NOTCH2NLB: variants seen among roughly 807,000 people sequenced by gnomAD.
NOTCH2NLB encodes the protein notch 2 N-terminal like B.
A neutral mutation model predicts 14.8 loss-of-function variants in NOTCH2NLB; 1 was observed. That is an observed-to-expected ratio of 0.07 (90% CI 0.02 to 0.32). The LOEUF (loss-of-function observed/expected upper bound fraction) is 0.32, where lower values mean the gene tolerates loss of function less well. Among genes scored for constraint, NOTCH2NLB ranks in the 10% least tolerant of loss-of-function variants. The pLI is 1.00. For synonymous variants in NOTCH2NLB, 6 were observed against 57.5 expected (o/e 0.10, Z 4.05); for missense variants, 11 against 155.0 (o/e 0.07, Z 4.93).
At chr1:148,673,966 A>G (rs1257841960) in intron 1 of NOTCH2NLB, among the ~76,000 whole-genome samples, 2 of 90,486 alleles carry the variant, frequency 2.2e-5, no homozygotes, top group Non-Finnish European at 5.0e-5. Context: ...TATTCTTATC[A>G]TAAGAGAGGT....
chr1:148,670,172 A>G (rs1292869467), intron 1 of NOTCH2NLB, among the ~76,000 whole-genome samples: 1 of 95,078 alleles, frequency 1.1e-5, no homozygotes, highest in Non-Finnish European at 2.4e-5. Context: ...AACAATTTTT[A>G]TATCAACATT....
At chr1:148,643,496 CAG>C (rs1328157352) in intron 1 of NOTCH2NLB, among the ~76,000 whole-genome samples, 1 of 87,426 alleles carries the variant, frequency 1.1e-5, no homozygotes, top group Non-Finnish European at 1.9e-5. Flanking sequence ...GCCTGAGTGA[CAG>C]AGAGAGACTC....
intron 2 of NOTCH2NLB, among the ~76,000 whole-genome samples, chr1:148,638,445 A>T (rs1198438726): frequency 2.0e-5 from 3 of 148,988 alleles, no homozygotes; most frequent in East Asian, 3.9e-4. Flanking sequence ...CAACTAAGGC[A>T]CCAAATGCCA....
At chr1:148,648,002 T>TATTTG (rs1664408000) in intron 1 of NOTCH2NLB, among the ~76,000 whole-genome samples, 2 of 140,438 alleles carry the variant, frequency 1.4e-5, no homozygotes, top group African/African-American at 5.2e-5. Context: ...TAATCAACGA[T>TATTTG]AACAACTTAT....
chr1:148,651,164 T>TATATAC (rs1571111758), intron 1 of NOTCH2NLB, among the ~76,000 whole-genome samples: 1 of 37,372 alleles, frequency 2.7e-5, no homozygotes, highest in East Asian at 9.9e-4. Context: ...AAAAAAAAAA[T>TATATAC]ATATATATAT....
intron 3 of NOTCH2NLB, among the ~76,000 whole-genome samples, chr1:148,611,876 GCTA>G (rs1558381762): frequency 7.0e-6 from 1 of 143,172 alleles, no homozygotes; most frequent in East Asian, 2.2e-4. Flanking sequence ...AGCTGACCTG[GCTA>G]CTGCCACCGC....
upstream of NOTCH2NLB, among the ~76,000 whole-genome samples, chr1:148,682,552 G>T (rs1337072604): frequency 6.4e-5 from 2 of 31,364 alleles, no homozygotes; most frequent in Non-Finnish European, 1.1e-4. Flanking sequence ...CTGTACTCCA[G>T]CCTGGACAAC....
intron 1 of NOTCH2NLB, among the ~76,000 whole-genome samples, chr1:148,660,416 G>A (rs1446837568): frequency 2.9e-5 from 4 of 138,900 alleles, no homozygotes; most frequent in Non-Finnish European, 6.3e-5. Context: ...GCAAAAGGGT[G>A]CCTTTGAAAA....
chr1:148,651,165 ATATAT>A (rs1664502898), intron 1 of NOTCH2NLB, among the ~76,000 whole-genome samples: 9 of 38,370 alleles, frequency 2.3e-4, no homozygotes, highest in Non-Finnish European at 3.9e-4. Context: ...AAAAAAAAAT[ATATAT>A]ATATATATAT....
intron 2 of NOTCH2NLB, among the ~76,000 whole-genome samples, chr1:148,628,353 A>G (rs1325085843): frequency 8.8e-6 from 1 of 113,126 alleles, no homozygotes; most frequent in Non-Finnish European, 1.7e-5. Context: ...ATCTCTAGAA[A>G]GAAAAGTGTT....
chr1:148,670,539 A>AAT (rs1156575606), intron 1 of NOTCH2NLB, among the ~76,000 whole-genome samples: 20 of 93,450 alleles, frequency 2.1e-4, no homozygotes, highest in African/African-American at 6.9e-4. Flanking sequence ...TAAAAAAAAA[A>AAT]ATATATATAT....
At chr1:148,638,470 A>C (rs1408095558) in intron 2 of NOTCH2NLB, among the ~76,000 whole-genome samples, 2 of 148,934 alleles carry the variant, frequency 1.3e-5, no homozygotes, top group African/African-American at 2.5e-5. Context: ...AAGACTAAAC[A>C]AGATTTCAGT....
chr1:148,679,260 G>A (rs1664881240), intron 1 of NOTCH2NLB, among the ~76,000 whole-genome samples: 1 of 30,572 alleles, frequency 3.3e-5, no homozygotes, highest in Admixed American at 3.0e-4. Context: ...CCGGCGGTTG[G>A]CGGGGAACCC....
At chr1:148,712,431 C>A in the NOTCH2NLB span, among the ~76,000 whole-genome samples, 2 of 152,230 alleles carry the variant, frequency 1.3e-5, no homozygotes, top group Non-Finnish European at 2.9e-5. Flanking sequence ...AACTTACCAG[C>A]TGCATTTGGC....
chr1:148,658,550 C>CTTTTTTTTTTTTTTTTTTT (rs1194273075), intron 1 of NOTCH2NLB, among the ~76,000 whole-genome samples: 7 of 38,588 alleles, frequency 1.8e-4, no homozygotes, highest in Admixed American at 3.0e-4. Context: ...CCCAATACCA[C>CTTTTTTTTTTTTTTTTTTT]TTTTTTTTTT....
chr1:148,703,091 G>T, the NOTCH2NLB span, among the ~76,000 whole-genome samples: 3 of 20,932 alleles, frequency 1.4e-4, no homozygotes, highest in Non-Finnish European at 1.9e-4. Context: ...CAGCCTGGGC[G>T]ACAGCGAGAC....
downstream of NOTCH2NLB, among the ~76,000 whole-genome samples, chr1:148,604,985 ACACACATT>A (rs1484206067): frequency 2.5e-4 from 36 of 144,478 alleles, 1 homozygote; most frequent in African/African-American, 9.6e-4. Flanking sequence ...ACACACACAC[ACACACATT>A]GATATGTAAC....
Position 148,610,327 on chromosome 1 carries a change from A to G in NOTCH2NLB, c.338-2582T>C, listed in dbSNP as rs1374268898. On this transcript the variant is annotated intron_variant, in intron 3 of 4. Transcript: ENST00000593495. ...AGAGAGAAAGAGAGAAAGAGAGAGAAAGAAAGAAAGAAAGAAAGAAAGAAA... is the reference window on the plus strand; with the variant it reads ...AGAGAGAAAGAGAGAAAGAGAGAGAGAGAAAGAAAGAAAGAAAGAAAGAAA... Among the ~76,000 whole-genome samples, 388 of 48,320 alleles carry G rather than the reference A, an allele frequency of 8.0e-3. 1 individual carries two copies. Among genetic ancestry groups the G allele is most frequent in the East Asian group, 0.044 (63 of 1,444 alleles). The allele number at this position is 48,320 out of a possible 152,430, so 31.7% of individuals were successfully genotyped here. A position where few individuals can be genotyped will look rare whatever the true frequency, so the allele number is the denominator to read the frequency against.
chr1:148,686,922 G>A, the NOTCH2NLB span, among the ~76,000 whole-genome samples: 1 of 82,738 alleles, frequency 1.2e-5, no homozygotes, highest in African/African-American at 4.0e-5. Flanking sequence ...CTAATACCCA[G>A]CCCCATGGCA....
Sources: gnomAD v4.1 joint callset for allele counts (sites outside exome capture counted in the v4.1 genomes callset) on GRCh38, gnomAD v4.1.1 for gene constraint, MANE v1.5 for transcripts, NCBI Gene and HGNC (gene_info 2026-07-23, HGNC 2026-07-21) for gene names.